Variants in PLXNA4 observed in about 807,000 individuals in gnomAD.
PLXNA4 encodes the protein plexin A4.
A neutral mutation model predicts 191.8 loss-of-function variants in PLXNA4; 44 were observed. The ratio of observed to expected loss-of-function variants is 0.23; its 90% CI spans 0.18 to 0.29. The LOEUF (loss-of-function observed/expected upper bound fraction) is 0.29, where lower values mean the gene tolerates loss of function less well. PLXNA4 is among the 10% of genes least tolerant of loss of function. PLXNA4 has a pLI of 1.00. For synonymous variants in PLXNA4, 1,082 were observed against 1,009.5 expected, an observed-to-expected ratio of 1.07 and a Z score of -1.36; for missense variants, 1,800 against 2,488.8, an observed-to-expected ratio of 0.72 and a Z score of 5.89.
At chr7:132,252,658 T>C (rs1799296698) in intron 4 of PLXNA4, among the ~76,000 whole-genome samples, 1 of 152,174 alleles carries the variant, frequency 6.6e-6, no homozygotes, top group Non-Finnish European at 1.5e-5. Flanking sequence ...AGCACAACCA[T>C]TTTGAGGAGT....
In PLXNA4 at chr7:132,185,482, G is replaced by A. The variant is rs1796848049; in HGVS notation, c.2994-19C>T. The A allele has an allele frequency of 4.4e-6, 7 of 1,604,782 alleles. No homozygotes were observed. In the South Asian group the frequency reaches 5.6e-5, roughly 13 times the overall value. On this transcript the variant is annotated intron_variant, in intron 15 of 31. Coordinates refer to ENST00000321063, the MANE Select transcript of PLXNA4 (RefSeq NM_020911.2). ...AGATCGCCTGGAGGGCAGGAAGACA[G>A]AGCACTGGGCGCCTGGTGTTGAGGA...
intron 1 of PLXNA4, among the ~76,000 whole-genome samples, chr7:132,563,362 CCTCCTCCTCCTCCTT>C (rs1801446104): frequency 7.4e-5 from 8 of 108,444 alleles, no homozygotes; most frequent in Admixed American, 4.4e-4. Context: ...TCCTCCTTCT[CCTCCTCCTCCTCCTT>C]CTCCTCCTCC....
intron 3 of PLXNA4, among the ~76,000 whole-genome samples, chr7:132,344,547 A>G (rs1458007295): frequency 2.6e-5 from 4 of 151,862 alleles, no homozygotes; most frequent in African/African-American, 9.7e-5. Context: ...GCCCCTGTCC[A>G]ATGAGGGCCA....
chr7:132,146,450 C>T, intron 28 of PLXNA4, 60 bp downstream of exon 28: 3 of 1,613,850 alleles, frequency 1.9e-6, no homozygotes. Context: ...TTTCTGTGGG[C>T]TGATGAAGTC....
chr7:132,523,918 A>G (rs1045540785), intron 1 of PLXNA4, among the ~76,000 whole-genome samples: 1 of 152,190 alleles, frequency 6.6e-6, no homozygotes, highest in African/African-American at 2.4e-5. Context: ...TAGGATGTCA[A>G]AGGTGAGGTT....
At chr7:132,426,114 G>T (rs1452723662) in intron 3 of PLXNA4, among the ~76,000 whole-genome samples, 1 of 152,226 alleles carries the variant, frequency 6.6e-6, no homozygotes, top group African/African-American at 2.4e-5. Context: ...GGGAAAGAGG[G>T]CCTCTCCCAG....
chr7:132,441,395 T>C (rs2117249222), intron 3 of PLXNA4, among the ~76,000 whole-genome samples: 1 of 152,378 alleles, frequency 6.6e-6, no homozygotes, highest in East Asian at 1.9e-4. Flanking sequence ...GAGTTCTTTC[T>C]GGGTGGCAGT....
chr7:132,249,382 C>T (rs1019660694), intron 4 of PLXNA4, among the ~76,000 whole-genome samples: 2 of 152,190 alleles, frequency 1.3e-5, no homozygotes, highest in African/African-American at 2.4e-5. Context: ...TCTGGGAACT[C>T]GGACAGCCAA....
At chr7:132,170,709 G>A (rs1008191460) in intron 21 of PLXNA4, among the ~76,000 whole-genome samples, 3 of 152,220 alleles carry the variant, frequency 2.0e-5, no homozygotes, top group African/African-American at 7.2e-5. Flanking sequence ...TTCCATAGCG[G>A]AGCTCTGTGA....
At chr7:132,470,600 A>T (rs1302545033) in intron 3 of PLXNA4, among the ~76,000 whole-genome samples, 1 of 152,220 alleles carries the variant, frequency 6.6e-6, no homozygotes, top group East Asian at 1.9e-4. Flanking sequence ...TCATGAAGTT[A>T]AGAACCTTGA....
In PLXNA4 at chr7:132,210,923, G is replaced by A. The variant is rs1283970726; in HGVS notation, c.2298+20C>T. ...GGGACTGGGGCCTGGTTTGGCAGTG[G>A]GCAGGGTTGGGCGACTCACAGAGGT... On this transcript the variant is annotated intron_variant, in intron 10 of 31. Coordinates refer to ENST00000321063, the MANE Select transcript of PLXNA4 (RefSeq NM_020911.2). The A allele has an allele frequency of 1.9e-6, 3 of 1,605,322 alleles. No individual in the cohort carries two copies. Among genetic ancestry groups the A allele is most frequent in the East Asian group, 2.2e-5 (1 of 44,670 alleles).
At chr7:132,263,834 G>A (rs1204314783) in intron 4 of PLXNA4, among the ~76,000 whole-genome samples, 2 of 152,210 alleles carry the variant, frequency 1.3e-5, no homozygotes, top group African/African-American at 4.8e-5. Context: ...TTCAATGAGA[G>A]ATTGTGTGGA....
At chr7:132,590,564 T>C (rs1244869788) in intron 2 of PLXNA4, among the ~76,000 whole-genome samples, 13 of 152,134 alleles carry the variant, frequency 8.5e-5, no homozygotes, top group Admixed American at 8.5e-4. Flanking sequence ...AGTCTGATGT[T>C]TGAGGGCAGG....
intron 3 of PLXNA4, among the ~76,000 whole-genome samples, chr7:132,314,443 C>T (rs746804105): frequency 2.0e-5 from 3 of 152,150 alleles, no homozygotes; most frequent in Non-Finnish European, 4.4e-5. Context: ...AGCGTTTAGT[C>T]GGCCTCATGC....
At chr7:132,278,240 C>T (rs1800349266) in intron 4 of PLXNA4, among the ~76,000 whole-genome samples, 1 of 152,158 alleles carries the variant, frequency 6.6e-6, no homozygotes, top group Non-Finnish European at 1.5e-5. Context: ...AGATATGGCA[C>T]AGACACTATC....
chr7:132,135,405 C>A (rs1684280550), intron 30 of PLXNA4, among the ~76,000 whole-genome samples: 1 of 152,220 alleles, frequency 6.6e-6, no homozygotes, highest in East Asian at 1.9e-4. Flanking sequence ...CCTGTAATTT[C>A]TCTCACCAGC....
chr7:132,357,016 G>A (rs563978325), intron 3 of PLXNA4, among the ~76,000 whole-genome samples: 14 of 152,250 alleles, frequency 9.2e-5, no homozygotes, highest in Admixed American at 5.9e-4. Context: ...GGGCTTCAAC[G>A]TTAAAGGCAA....
At chr7:132,290,531 A>T (rs921838225) in intron 4 of PLXNA4, among the ~76,000 whole-genome samples, 1 of 152,122 alleles carries the variant, frequency 6.6e-6, no homozygotes, top group Non-Finnish European at 1.5e-5. Context: ...TTCAGTGTGT[A>T]TAGACATTCC....
At position 132,165,216 on chromosome 7, in the gene PLXNA4, G is replaced by A. The variant is rs189094062; in HGVS notation, c.4287-16C>T. On this transcript the variant is annotated splice_polypyrimidine_tract_variant and intron_variant, in intron 22 of 31. Coordinates refer to ENST00000321063, the MANE Select transcript of PLXNA4 (RefSeq NM_020911.2). ...TGACTCAGTCCTGTCAGCAGTCACC[G>A]AGGGAACCAACGGAACAAGACAAAG... 5,650 of 1,610,498 alleles carry A rather than the reference G, an allele frequency of 3.5e-3. 18 individuals are homozygous for A. The highest frequency in any genetic ancestry group is 4.3e-3 in the Non-Finnish European group (5,007 of 1,177,880).
Sources: allele counts gnomAD v4.1 joint callset (sites outside exome capture counted in the v4.1 genomes callset), GRCh38; gene constraint gnomAD v4.1.1; transcripts MANE v1.5; gene names NCBI Gene and HGNC (gene_info 2026-07-23, HGNC 2026-07-21).